SH2B3: variants seen among roughly 807,000 people sequenced by gnomAD.
SH2B3 encodes SH2B adapter protein 3.
Under a neutral mutation model 51.9 loss-of-function variants are expected in SH2B3, and 43 were observed. That is an observed-to-expected ratio of 0.83 (90% CI 0.65 to 1.07). The LOEUF (loss-of-function observed/expected upper bound fraction) is 1.07. Ranked by LOEUF, SH2B3 falls within the 50% of genes least tolerant of loss-of-function variation. The pLI, the probability that SH2B3 is intolerant of heterozygous loss-of-function variation, is 0.00. For synonymous variants in SH2B3, 396 were observed against 376.0 expected, an observed-to-expected ratio of 1.05 and a Z score of -0.62; for missense variants, 952 against 834.3, an observed-to-expected ratio of 1.14 and a Z score of -1.74.
Position 111,427,570 on chromosome 12 carries a change from G to A in SH2B3, c.732+8693G>A, listed in dbSNP as rs139689907. ...TTCCAGAAGCAGCTGCTAGGCTGGA[G>A]TAGCTGGCCTTGGGCCCCAGACCTT... On this transcript the variant is annotated intron_variant, in intron 2 of 7. Transcript: ENST00000341259. 1.7e-4 allele frequency among the ~76,000 whole-genome samples: 26 copies of A among 152,266 alleles called. No individual in the cohort carries two copies. The East Asian group carries it at 5.0e-3, about 29-fold the overall frequency.
chr12:111,445,249 G>T (rs1234081763), intron 2 of SH2B3, among the ~76,000 whole-genome samples: 1 of 152,228 alleles, frequency 6.6e-6, no homozygotes, highest in Non-Finnish European at 1.5e-5. Context: ...CTGCAGCTAG[G>T]GGGAAGGGTG....
rs750107458 is a variant in SH2B3, at chr12:111,448,135, C to T, written c.1561C>T (p.Pro521Ser). ...AGAGGGTCTCCCAGGGCGATCCTCA[C>T]CCCCCGAGCAGATCTTCCACCTGGT... is the stretch of plus-strand genomic sequence containing the variant. ...SPEGLPGRSS[P>S]PEQIFHLVPS... is the part of the protein sequence containing the mutation. Residue 521 changes from proline to serine, a missense_variant, in exon 8 of 8, where the codon CCC becomes TCC. Coordinates refer to ENST00000341259, the MANE Select transcript of SH2B3 (RefSeq NM_005475.3). 15 of 1,614,116 alleles carry T rather than the reference C, an allele frequency of 9.3e-6. No individual in the cohort carries two copies. The highest frequency in any genetic ancestry group is 6.8e-6 in the Non-Finnish European group (8 of 1,180,006).
intron 2 of SH2B3, among the ~76,000 whole-genome samples, chr12:111,442,733 A>G (rs1370948205): frequency 6.6e-6 from 1 of 152,234 alleles, no homozygotes; most frequent in Non-Finnish European, 1.5e-5. Context: ...TTGAAGCCCC[A>G]TGGTGGCTTC....
In SH2B3 at chr12:111,409,219, G is replaced by C. The variant is rs954759636; in HGVS notation, c.-28+2942G>C. Reference sequence around the variant, plus strand: ...GCTCTGGCTGTGTGATCTTGGGCTGGTCCCTTAGCCTCTCTGAGCCACAGG... The same window carrying C: ...GCTCTGGCTGTGTGATCTTGGGCTGCTCCCTTAGCCTCTCTGAGCCACAGG... On this transcript the variant is annotated intron_variant, in intron 1 of 7. Transcript: ENST00000341259. This position sits in a 1 kb window ranked among gnomAD's most constrained non-coding sequence, Gnocchi z 4.0. Among the ~76,000 whole-genome samples, 2 of 152,294 alleles carry C rather than the reference G, an allele frequency of 1.3e-5. No homozygotes were observed.
In SH2B3 at chr12:111,448,097, G is replaced by T. The variant is rs79819500; in HGVS notation, c.1523G>T (p.Arg508Leu). Residue 508 changes from arginine (R) to leucine (L), a missense_variant, in exon 8 of 8, where the codon CGG becomes CTG. Arg to Leu is a moderately radical substitution (Grantham distance 102). Coordinates refer to ENST00000341259, the MANE Select transcript of SH2B3 (RefSeq NM_005475.3). ...CACCTTAGTTCTTCTGGCTGTCCCC[G>T]GGGGCTCAGCCCAGAGGGTCTCCCA... ...LPHLSSSGCP[R>L]GLSPEGLPGR... 6.2e-7 allele frequency: 1 copy of T among 1,613,534 alleles called. No homozygotes were observed.
chr12:111,444,859 G>T (rs533855751), intron 2 of SH2B3: 3 of 985,590 alleles, frequency 3.0e-6, no homozygotes, highest in Non-Finnish European at 3.6e-6. Flanking sequence ...ATACCACCAG[G>T]TAGCTGTGGC....
chr12:111,447,546 TATGGG>T lies in SH2B3; in HGVS notation c.1236+3_1236+7del, dbSNP rs779556283. ...TTCAACTTTCAGGGGATAGCCAAGG[TATGGG>T]GTGGGGTGGGGTGGGGTGGGGCAGG... On this transcript the variant is annotated splice_donor_5th_base_variant and intron_variant, in intron 6 of 7. Transcript: ENST00000341259. 55 of 650,192 alleles carry T rather than the reference TATGGG, an allele frequency of 8.5e-5. No homozygotes were observed. In the East Asian group the frequency reaches 2.9e-3, roughly 34 times the overall value. 40.3% of individuals were successfully genotyped at this position (650,192 alleles called of 1,614,324 possible).
intron 2 of SH2B3, among the ~76,000 whole-genome samples, chr12:111,428,562 A>C (rs983762752): frequency 2.0e-5 from 3 of 152,152 alleles, no homozygotes; most frequent in Admixed American, 6.5e-5. Flanking sequence ...CCCTTCTGGC[A>C]GGAGACATTT....
rs1244623217 is a variant in SH2B3 at position 111,406,363 on chromosome 12, C to T, written c.-28+86C>T. 6.6e-6 allele frequency: 1 copy of T among 152,286 alleles called. No homozygotes were observed. Among genetic ancestry groups the T allele is most frequent in the East Asian group, 1.9e-4 (1 of 5,198 alleles). The allele number at this position is 152,286 out of a possible 1,614,324, so 9.4% of individuals were successfully genotyped here. A position where few individuals can be genotyped will look rare whatever the true frequency, so the allele number is the denominator to read the frequency against. On this transcript the variant is annotated intron_variant, in intron 1 of 7. Transcript: ENST00000341259. This position sits in a 1 kb window ranked among gnomAD's most constrained non-coding sequence, Gnocchi z 5.7. ...GAGGAGGCCCCGTGTCCAGTTCTGCCCGGGCTCTGCGCGTCACCCCCAGCC... is the reference window on the plus strand; with the variant it reads ...GAGGAGGCCCCGTGTCCAGTTCTGCTCGGGCTCTGCGCGTCACCCCCAGCC...
intron 7 of SH2B3, 66 bp downstream of exon 7, chr12:111,447,893 C>A: frequency 6.4e-7 from 1 of 1,567,084 alleles, no homozygotes; most frequent in Non-Finnish European, 8.7e-7. Context: ...AGGCTTGCTG[C>A]AGACCCAGGG....
At position 111,409,955 on chromosome 12, in the gene SH2B3, C is replaced by G. The variant is rs1870560630; in HGVS notation, c.-28+3678C>G. 6.6e-6 allele frequency among the ~76,000 whole-genome samples: 1 copy of G among 152,226 alleles called. No homozygotes were observed. The highest frequency in any genetic ancestry group is 2.4e-5 in the African/African-American group (1 of 41,454). On this transcript the variant is annotated intron_variant, in intron 1 of 7. Transcript: ENST00000341259. The surrounding 1 kb of genome is among the most constrained non-coding windows in gnomAD (Gnocchi z 4.0). ...GCAGTTAGATAGAAGATTTTTCCTC[C>G]CACGCCACCCTGTCAGGGGTCGGCC...
chr12:111,436,511 A>G (rs771798171), intron 2 of SH2B3, among the ~76,000 whole-genome samples: 4 of 152,062 alleles, frequency 2.6e-5, no homozygotes, highest in Non-Finnish European at 5.9e-5. Flanking sequence ...TGCAGGGGCC[A>G]TGTGTAACTG....
At chr12:111,432,550 C>T (rs536195889) in intron 2 of SH2B3, among the ~76,000 whole-genome samples, 23 of 152,236 alleles carry the variant, frequency 1.5e-4, no homozygotes, top group Non-Finnish European at 2.4e-4. Flanking sequence ...TTGTGTAAAG[C>T]GTATAATTCA....
At position 111,407,031 on chromosome 12, in the gene SH2B3, CCCCTTCCCT is replaced by C. The variant is rs1037305272; in HGVS notation, c.-28+768_-28+776del. On this transcript the variant is annotated intron_variant, in intron 1 of 7. Coordinates refer to ENST00000341259, the MANE Select transcript of SH2B3 (RefSeq NM_005475.3). The surrounding 1 kb of genome is among the most constrained non-coding windows in gnomAD (Gnocchi z 4.3). ...GGTCTCTGATGCCTGGTGCAGAAAT[CCCCTTCCCT>C]CCCTTCCCTCCCTCCGGCCAGGGGA... is the stretch of plus-strand genomic sequence containing the variant. 2.0e-5 allele frequency among the ~76,000 whole-genome samples: 3 copies of C among 152,178 alleles called. No homozygotes were observed. The highest frequency in any genetic ancestry group is 4.4e-5 in the Non-Finnish European group (3 of 68,030).
chr12:111,414,455 C>T (rs778672190), intron 1 of SH2B3, among the ~76,000 whole-genome samples: 28 of 151,842 alleles, frequency 1.8e-4, no homozygotes, highest in Non-Finnish European at 2.1e-4. Context: ...AACCAGGTGT[C>T]GTGGTGTGTG....
Position 111,448,283 on chromosome 12 carries a change from A to G in SH2B3, c.1709A>G (p.Asn570Ser). ...CGGAGCCACCTGCGGGCCATAGACAATCAGTACACACCTCTCTGACCAGTG... is the reference window on the plus strand; with the variant it reads ...CGGAGCCACCTGCGGGCCATAGACAGTCAGTACACACCTCTCTGACCAGTG... ...SSRSHLRAID[N>S]QYTPL The change falls in exon 8 of 8, where the codon AAT (asparagine) becomes AGT (serine). Residue 570 changes from asparagine (N) to serine (S), a missense_variant. Coordinates refer to ENST00000341259, the MANE Select transcript of SH2B3 (RefSeq NM_005475.3). 6.2e-7 allele frequency: 1 copy of G among 1,612,928 alleles called. No individual in the cohort carries two copies. The highest frequency in any genetic ancestry group is 8.5e-7 in the Non-Finnish European group (1 of 1,179,256).
chr12:111,424,794 G>A (rs781059757), intron 2 of SH2B3, among the ~76,000 whole-genome samples: 9 of 152,232 alleles, frequency 5.9e-5, no homozygotes, highest in Non-Finnish European at 1.2e-4. Context: ...TTGCCAGGTA[G>A]TCAACTGTGA....
At chr12:111,437,695 G>GC (rs1873007825) in intron 2 of SH2B3, among the ~76,000 whole-genome samples, 1 of 152,212 alleles carries the variant, frequency 6.6e-6, no homozygotes, top group Admixed American at 6.5e-5. Flanking sequence ...GTGGCCTGTA[G>GC]TTCCCACACT....
At chr12:111,408,238 G>A (rs972313839) in intron 1 of SH2B3, among the ~76,000 whole-genome samples, 31 of 152,128 alleles carry the variant, frequency 2.0e-4, no homozygotes, top group African/African-American at 6.5e-4. Context: ...TCTGTGAAAT[G>A]GGTGTGCTAA....
Sources: allele counts gnomAD v4.1 joint callset (sites outside exome capture counted in the v4.1 genomes callset), GRCh38; gene constraint gnomAD v4.1.1; non-coding constraint Gnocchi (gnomAD v3.1); transcripts MANE v1.5; gene names NCBI Gene and HGNC (gene_info 2026-07-23, HGNC 2026-07-21).